Variants in AMPH observed in about 807,000 individuals in gnomAD.
The protein encoded by AMPH is amphiphysin.
A neutral mutation model predicts 99.1 loss-of-function variants in AMPH; 49 were observed. The observed-to-expected ratio is 0.49, with a 90% CI of 0.39 to 0.63. The LOEUF (loss-of-function observed/expected upper bound fraction) is 0.63. AMPH is among the 20% of genes least tolerant of loss of function. The pLI is 0.00. For synonymous variants in AMPH, 314 were observed against 317.3 expected (o/e 0.99, Z 0.11); for missense variants, 759 against 863.4 (o/e 0.88, Z 1.52).
At chr7:38,612,800 G>A (rs1342999513) in intron 1 of AMPH, among the ~76,000 whole-genome samples, 1 of 152,144 alleles carries the variant, frequency 6.6e-6, no homozygotes, top group Non-Finnish European at 1.5e-5. Flanking sequence ...TATATACTAC[G>A]TGTTCAAAGT....
chr7:38,525,285 G>T (rs1295326265), intron 2 of AMPH, among the ~76,000 whole-genome samples: 1,754 of 54,112 alleles, frequency 0.032, 25 homozygotes, highest in African/African-American at 0.077. Flanking sequence ...TATAGAGAGA[G>T]AGAGAGAGAG....
At position 38,515,426 on chromosome 7, in the gene AMPH, T is replaced by G. The variant is rs188675855; in HGVS notation, c.151-11722A>C. 4.0e-4 allele frequency among the ~76,000 whole-genome samples: 61 copies of G among 152,300 alleles called. 2 individuals carry two copies. The highest frequency in any genetic ancestry group is 4.0e-3 in the Admixed American group (61 of 15,296). Reference sequence around the variant, plus strand: ...TGTAGCACTTCCTCCTTCACTCTCTTCCTCCTGCTCCAGACAAGTAAGATA... The same window carrying G: ...TGTAGCACTTCCTCCTTCACTCTCTGCCTCCTGCTCCAGACAAGTAAGATA... On this transcript the variant is annotated intron_variant, in intron 2 of 20. Coordinates refer to ENST00000356264, the MANE Select transcript of AMPH (RefSeq NM_001635.4).
At chr7:38,571,278 TTTTTATATATATTTATATATGAA>T (rs1562835224) in intron 1 of AMPH, among the ~76,000 whole-genome samples, 11 of 39,432 alleles carry the variant, frequency 2.8e-4, no homozygotes, top group East Asian at 1.6e-3. Flanking sequence ...TATATATATA[TTTTTATATATATTTATATATGAA>T]TATATATATT....
chr7:38,548,322 C>G (rs1307450308), intron 1 of AMPH, among the ~76,000 whole-genome samples: 1 of 151,964 alleles, frequency 6.6e-6, no homozygotes, highest in Non-Finnish European at 1.5e-5. Context: ...AGCCACTGCA[C>G]CCGGCCCCTT....
rs374769880 is a variant in AMPH at position 38,463,107 on chromosome 7, C to T, written c.756G>A (p.Ser252=). 2.5e-6 allele frequency: 4 copies of T among 1,613,354 alleles called. No individual in the cohort carries two copies. Among genetic ancestry groups the T allele is most frequent in the South Asian group, 2.2e-5 (2 of 91,018 alleles). The change falls in exon 10 of 21, where the codon TCG becomes TCA. Residue 252 remains serine, a synonymous_variant. Coordinates refer to ENST00000356264, the MANE Select transcript of AMPH (RefSeq NM_001635.4). ...GTGTCTTTGCAATGCGGAGAGGACC[C>T]GAATCACTAGAGGAACACAGGGGAT... ...AFTIQGAPSD[S]GPLRIAKTPS...
intron 1 of AMPH, among the ~76,000 whole-genome samples, chr7:38,571,643 G>A (rs188682899): frequency 2.0e-5 from 3 of 147,606 alleles, no homozygotes; most frequent in Non-Finnish European, 3.0e-5. Flanking sequence ...GGTGTACAAT[G>A]TGTTTGTTTG....
intron 2 of AMPH, among the ~76,000 whole-genome samples, chr7:38,526,786 A>C (rs1790207869): frequency 6.6e-6 from 1 of 152,094 alleles, no homozygotes; most frequent in South Asian, 2.1e-4. Flanking sequence ...CCAATTTATC[A>C]CATTTTCCTC....
intron 11 of AMPH, among the ~76,000 whole-genome samples, chr7:38,443,549 T>C (rs1786640116): frequency 6.6e-6 from 1 of 152,160 alleles, no homozygotes; most frequent in South Asian, 2.1e-4. Context: ...GGTTTACCAT[T>C]GGAAAACCAA....
At chr7:38,539,580 C>G (rs1324867447) in intron 1 of AMPH, among the ~76,000 whole-genome samples, 1 of 152,158 alleles carries the variant, frequency 6.6e-6, no homozygotes, top group East Asian at 1.9e-4. Context: ...GGGAAGATTG[C>G]CTTTGTAAAG....
At chr7:38,385,112 A>G (rs1011189450) in intron 20 of AMPH, among the ~76,000 whole-genome samples, 187 bp from the exon 21 acceptor site, 2 of 151,862 alleles carry the variant, frequency 1.3e-5, no homozygotes, top group Non-Finnish European at 2.9e-5. Context: ...AAAAAAAAAA[A>G]GAAAAAGAAA....
At chr7:38,623,666 T>C (rs1794144673) in intron 1 of AMPH, among the ~76,000 whole-genome samples, 1 of 152,200 alleles carries the variant, frequency 6.6e-6, no homozygotes, top group Non-Finnish European at 1.5e-5. Context: ...TAAACTACTC[T>C]TCTACAGATG....
At chr7:38,503,813 A>G in intron 2 of AMPH, 109 bp from the exon 3 acceptor site, 1 of 1,073,032 alleles carries the variant, frequency 9.3e-7, no homozygotes, top group South Asian at 1.3e-5. Flanking sequence ...ATTCTTGGAA[A>G]AAAACATAAA....
At chr7:38,486,905 T>G (rs76685642) in intron 5 of AMPH, among the ~76,000 whole-genome samples, 1 of 151,992 alleles carries the variant, frequency 6.6e-6, no homozygotes, top group East Asian at 1.9e-4. Flanking sequence ...CTCAGCAAAC[T>G]AGAAATAGAG....
At chr7:38,420,585 A>G (rs534586261) in intron 16 of AMPH, among the ~76,000 whole-genome samples, 22 of 152,208 alleles carry the variant, frequency 1.4e-4, no homozygotes, top group Non-Finnish European at 2.5e-4. Flanking sequence ...TTATTCCTTT[A>G]GAATAAAATG....
intron 19 of AMPH, among the ~76,000 whole-genome samples, chr7:38,390,581 T>A (rs1276415052): frequency 6.6e-6 from 1 of 152,206 alleles, no homozygotes; most frequent in East Asian, 1.9e-4. Flanking sequence ...AAACATTGGC[T>A]TTTAAAGTGT....
At chr7:38,571,276 TA>T (rs1165159820) in intron 1 of AMPH, among the ~76,000 whole-genome samples, 471 of 39,470 alleles carry the variant, frequency 0.012, 13 homozygotes, top group Middle Eastern at 0.062. Context: ...TTTATATATA[TA>T]TTTTTATATA....
intron 3 of AMPH, among the ~76,000 whole-genome samples, chr7:38,500,167 G>A (rs1198932752): frequency 4.6e-5 from 7 of 152,200 alleles, no homozygotes; most frequent in Non-Finnish European, 8.8e-5. Flanking sequence ...TGAGAAGAGA[G>A]AAGGGTCCTG....
chr7:38,594,582 T>C (rs940228462), intron 1 of AMPH, among the ~76,000 whole-genome samples: 2 of 152,028 alleles, frequency 1.3e-5, no homozygotes, highest in Non-Finnish European at 2.9e-5. Context: ...GAAGAAGGGG[T>C]ACGTATGAAT....
At chr7:38,475,151 A>C (rs1193607568) in intron 7 of AMPH, among the ~76,000 whole-genome samples, 180 bp downstream of exon 7, 1 of 152,222 alleles carries the variant, frequency 6.6e-6, no homozygotes, top group East Asian at 1.9e-4. Context: ...TCCTAGCCAT[A>C]TTCCAAGCAA....
Sources: allele counts gnomAD v4.1 joint callset (sites outside exome capture counted in the v4.1 genomes callset), GRCh38; gene constraint gnomAD v4.1.1; transcripts MANE v1.5; gene names NCBI Gene and HGNC (gene_info 2026-07-23, HGNC 2026-07-21).